The following RBFOX1 variants were observed in gnomAD, a reference collection of about 807,000 sequenced individuals.
RBFOX1 encodes RNA binding fox-1 homolog 1.
In RBFOX1, 8 loss-of-function variants were observed where a neutral mutation model predicts 57.7. The observed-to-expected ratio is 0.14, with a 90% CI of 0.08 to 0.25. The LOEUF (loss-of-function observed/expected upper bound fraction) is 0.25, where lower values mean the gene tolerates loss of function less well. Ranked by LOEUF, RBFOX1 falls within the 10% of genes least tolerant of loss-of-function variation. RBFOX1 has a pLI of 1.00. For synonymous variants in RBFOX1, 326 were observed against 222.4 expected (o/e 1.47, Z -4.15); for missense variants, 611 against 548.5 (o/e 1.11, Z -1.14).
In RBFOX1 at chr16:5,970,595, G is replaced by A. The variant is rs140016729; in HGVS notation, c.351+103260G>A. Among the ~76,000 whole-genome samples the A allele has an allele frequency of 9.8e-4, 150 of 152,296 alleles. 2 individuals are homozygous for A. Among genetic ancestry groups the A allele is most frequent in the African/African-American group, 3.4e-3 (140 of 41,570 alleles). ...TTGACCCTGAGTAATTTTACAGTCTGTAGAGAAGACAGACTGTGGGCCGAC... is the reference window on the plus strand; with the variant it reads ...TTGACCCTGAGTAATTTTACAGTCTATAGAGAAGACAGACTGTGGGCCGAC... On this transcript the variant is annotated intron_variant, in intron 4 of 19. Transcript: ENST00000641259.
intron 2 of RBFOX1, among the ~76,000 whole-genome samples, chr16:5,532,093 G>A (rs183925920): frequency 2.6e-5 from 4 of 152,216 alleles, no homozygotes; most frequent in African/African-American, 7.2e-5. Flanking sequence ...ACCACCATGC[G>A]TGACTGTCAA....
intron 4 of RBFOX1, among the ~76,000 whole-genome samples, chr16:7,380,292 T>C (rs965367043): frequency 2.0e-5 from 3 of 152,218 alleles, no homozygotes; most frequent in African/African-American, 7.2e-5. Flanking sequence ...ATGTTTTTTC[T>C]CCTTCCCTTT....
chr16:6,090,478 A>T (rs9931343), intron 1 of RBFOX1, among the ~76,000 whole-genome samples: 72,539 of 152,030 alleles, frequency 0.48, 17,539 homozygotes, highest in South Asian at 0.59. Flanking sequence ...AAACCAAGAT[A>T]TGAACCATGA....
chr16:6,070,342 T>C (rs995130745), intron 1 of RBFOX1, among the ~76,000 whole-genome samples: 1 of 152,216 alleles, frequency 6.6e-6, no homozygotes, highest in Non-Finnish European at 1.5e-5. Flanking sequence ...GCGTTGAGCA[T>C]TTTAAAAATC....
chr16:6,728,750 C>A (rs989834622), intron 3 of RBFOX1, among the ~76,000 whole-genome samples: 1 of 152,178 alleles, frequency 6.6e-6, no homozygotes, highest in East Asian at 1.9e-4. Flanking sequence ...ACGGTGTCTC[C>A]TTACCTTCTG....
chr16:6,070,305 A>C (rs1482562121), intron 1 of RBFOX1, among the ~76,000 whole-genome samples: 2 of 152,222 alleles, frequency 1.3e-5, no homozygotes, highest in African/African-American at 4.8e-5. Context: ...CATGGGAGTT[A>C]ATAATTAGGG....
chr16:7,412,819 GA>G (rs1398135442), intron 4 of RBFOX1, among the ~76,000 whole-genome samples: 3 of 152,136 alleles, frequency 2.0e-5, no homozygotes, highest in African/African-American at 7.2e-5. Flanking sequence ...GAGGCAGGCG[GA>G]CTGCGAGGTC....
intron 4 of RBFOX1, among the ~76,000 whole-genome samples, chr16:7,176,668 G>T (rs1264228120): frequency 6.6e-6 from 1 of 152,076 alleles, no homozygotes; most frequent in Admixed American, 6.5e-5. Context: ...CCCTTTACTG[G>T]AAAAGGTTTC....
At chr16:6,590,816 C>T (rs2097699711) in intron 2 of RBFOX1, among the ~76,000 whole-genome samples, 1 of 147,778 alleles carries the variant, frequency 6.8e-6, no homozygotes, top group African/African-American at 2.5e-5. Flanking sequence ...AATACATGGA[C>T]AGCTCTGTCA....
At chr16:6,961,152 G>GACACACACACACACAC (rs1158074540) in intron 3 of RBFOX1, among the ~76,000 whole-genome samples, 1 of 147,908 alleles carries the variant, frequency 6.8e-6, no homozygotes, top group Non-Finnish European at 1.5e-5. Context: ...CACCCACACA[G>GACACACACACACACAC]ACACACACAC....
intron 3 of RBFOX1, among the ~76,000 whole-genome samples, chr16:6,780,679 GAGAGCTATTTTAA>G (rs1167417959): frequency 6.8e-6 from 1 of 147,528 alleles, no homozygotes. Flanking sequence ...TGTTTTTTCA[GAGAGCTATTTTAA>G]CTGGGGTGAG....
At position 5,915,875 on chromosome 16, in the gene RBFOX1, C is replaced by T. The variant is rs190847898; in HGVS notation, c.351+48540C>T. Among the ~76,000 whole-genome samples, 6 of 152,148 alleles carry T rather than the reference C, an allele frequency of 3.9e-5. No individual in the cohort carries two copies. The East Asian group carries it at 1.2e-3, about 29-fold the overall frequency. On this transcript the variant is annotated intron_variant, in intron 4 of 19. Coordinates refer to the RBFOX1 transcript ENST00000641259. The stretch of plus-strand genomic sequence containing the variant: ...TATAGACTACAATATGACACATTAC[C>T]ATCATAAGCCTTAAAAAATGTCATA...
At chr16:5,286,078 G>A (rs1481748172) in intron 1 of RBFOX1, among the ~76,000 whole-genome samples, 2 of 152,178 alleles carry the variant, frequency 1.3e-5, no homozygotes, top group African/African-American at 4.8e-5. Context: ...CCAGACTGCA[G>A]TTGTTATTGG....
intron 1 of RBFOX1, among the ~76,000 whole-genome samples, chr16:6,213,678 C>G (rs925805652): frequency 1.1e-4 from 16 of 152,202 alleles, no homozygotes; most frequent in African/African-American, 3.9e-4. Context: ...AGAAGAAATA[C>G]TGGATGGTTT....
intron 1 of RBFOX1, among the ~76,000 whole-genome samples, chr16:5,245,364 G>A (rs2062271687): frequency 6.6e-6 from 1 of 151,868 alleles, no homozygotes. Context: ...GGCAATGTGT[G>A]CCAGGACAGA....
At chr16:6,981,383 A>C (rs1234935458) in intron 3 of RBFOX1, among the ~76,000 whole-genome samples, 1 of 152,088 alleles carries the variant, frequency 6.6e-6, no homozygotes, top group Non-Finnish European at 1.5e-5. Flanking sequence ...GCTAAGGATA[A>C]TGGCCTCGAG....
At chr16:5,566,612 A>G (rs188677999) in intron 2 of RBFOX1, among the ~76,000 whole-genome samples, 1 of 150,860 alleles carries the variant, frequency 6.6e-6, no homozygotes, top group Non-Finnish European at 1.5e-5. Flanking sequence ...ATGTGTATAT[A>G]TGTATATGTA....
intron 3 of RBFOX1, among the ~76,000 whole-genome samples, chr16:5,635,814 G>A (rs7205638): frequency 0.04 from 5,873 of 147,562 alleles, 156 homozygotes; most frequent in South Asian, 0.087. Context: ...GGTTTTTTTT[G>A]GAGGATTTTT....
intron 1 of RBFOX1, among the ~76,000 whole-genome samples, chr16:5,432,699 C>T (rs904710407): frequency 2.6e-5 from 4 of 151,972 alleles, no homozygotes; most frequent in Middle Eastern, 3.4e-3. Flanking sequence ...GCCCAGGCTC[C>T]GAGTTTATGG....
Sources: gnomAD v4.1 joint callset for allele counts (sites outside exome capture counted in the v4.1 genomes callset) on GRCh38, gnomAD v4.1.1 for gene constraint, MANE v1.5 for transcripts, NCBI Gene and HGNC (gene_info 2026-07-23, HGNC 2026-07-21) for gene names.